ATXN7L1: variants seen among roughly 807,000 people sequenced by gnomAD.
ATXN7L1 encodes ataxin 7 like 1, also known as ataxin-7-like protein 1.
In ATXN7L1, 15 loss-of-function variants were observed where a neutral mutation model predicts 70.8. The observed-to-expected ratio is 0.21, with a 90% CI of 0.14 to 0.33. ATXN7L1 has a LOEUF of 0.33. ATXN7L1 is among the 10% of genes least tolerant of loss of function. ATXN7L1 has a pLI of 1.00. For synonymous variants in ATXN7L1, 440 were observed against 445.1 expected (o/e 0.99, Z 0.14); for missense variants, 975 against 1,097.1 (o/e 0.89, Z 1.57).
At chr7:105,626,427 A>G (rs529154609) in intron 7 of ATXN7L1, among the ~76,000 whole-genome samples, 1 of 152,362 alleles carries the variant, frequency 6.6e-6, no homozygotes, top group South Asian at 2.1e-4. Flanking sequence ...TGACTACACA[A>G]CATTGTGAAT....
At chr7:105,635,100 AT>A (rs1422586380) in intron 7 of ATXN7L1, among the ~76,000 whole-genome samples, 1 of 152,196 alleles carries the variant, frequency 6.6e-6, no homozygotes, top group Non-Finnish European at 1.5e-5. Context: ...TTGCCCTTTT[AT>A]ACTTTAGACT....
chr7:105,701,137 T>C (rs1196595244), intron 3 of ATXN7L1, among the ~76,000 whole-genome samples: 6 of 151,380 alleles, frequency 4.0e-5, no homozygotes, highest in African/African-American at 1.2e-4. Context: ...TTCTAAAAAT[T>C]ACAGCAAAAG....
At chr7:105,819,442 A>AT in intron 2 of ATXN7L1, 2 of 622,730 alleles carry the variant, frequency 3.2e-6, no homozygotes, top group Admixed American at 2.6e-5. Flanking sequence ...TGTATTTGGG[A>AT]TTTAAAAAAA....
At position 105,643,043 on chromosome 7, in the gene ATXN7L1, G is replaced by A. The variant is rs1465616958; in HGVS notation, c.657C>T (p.Ser219=). Residue 219 remains serine (S), a synonymous_variant, in exon 5 of 12, where the codon TCC becomes TCT. Coordinates refer to ENST00000419735, the MANE Select transcript of ATXN7L1 (RefSeq NM_020725.2). ...AGGCAGAAACTGCAGTAGTGGTTGT[G>A]GAGTTCATTTTGACATTGGCACCAT... ...KADGANVKMN[S]TTTTAVSASS... 5 of 1,550,880 alleles carry A rather than the reference G, an allele frequency of 3.2e-6. No individual in the cohort carries two copies. In the African/African-American group the frequency reaches 6.8e-5, roughly 21 times the overall value.
intron 3 of ATXN7L1, among the ~76,000 whole-genome samples, chr7:105,755,212 TA>T (rs1237446892): frequency 1.4e-5 from 2 of 139,290 alleles, no homozygotes; most frequent in African/African-American, 5.9e-5. Flanking sequence ...GCACTGAATT[TA>T]ACAGGGAAAA....
chr7:105,656,666 A>T (rs1325359099), intron 4 of ATXN7L1, among the ~76,000 whole-genome samples: 1 of 148,782 alleles, frequency 6.7e-6, no homozygotes, highest in Non-Finnish European at 1.5e-5. Flanking sequence ...TGCCTCCCAG[A>T]TTCAAGCGAT....
intron 4 of ATXN7L1, among the ~76,000 whole-genome samples, chr7:105,664,631 C>T (rs1802325147): frequency 6.8e-6 from 1 of 147,340 alleles, no homozygotes; most frequent in South Asian, 2.2e-4. Context: ...AGTGCAGTGG[C>T]GTGATCTCGG....
In ATXN7L1 at chr7:105,858,663, T is replaced by C. The variant is rs73717288; in HGVS notation, c.250+17149A>G. On this transcript the variant is annotated intron_variant, in intron 2 of 11. Coordinates refer to ENST00000419735, the MANE Select transcript of ATXN7L1 (RefSeq NM_020725.2). ...TCTAATAATAGGGCACCCTGATATC[T>C]TGTAACCCCTGGATGGGATGCTTAA... 1.7e-3 allele frequency among the ~76,000 whole-genome samples: 266 copies of C among 152,290 alleles called. 2 individuals carry two copies. The highest frequency in any genetic ancestry group is 6.0e-3 in the African/African-American group (250 of 41,558).
chr7:105,647,647 AAAAC>A (rs752546040), intron 4 of ATXN7L1, among the ~76,000 whole-genome samples: 2 of 152,256 alleles, frequency 1.3e-5, no homozygotes, highest in African/African-American at 2.4e-5. Flanking sequence ...CTCCGTCTCA[AAAAC>A]AAACAAACAG....
intron 3 of ATXN7L1, among the ~76,000 whole-genome samples, chr7:105,703,678 T>C (rs372260393): frequency 2.6e-5 from 4 of 152,312 alleles, no homozygotes; most frequent in African/African-American, 9.6e-5. Context: ...CAGCCAGGCC[T>C]GTCCCTTCAG....
intron 2 of ATXN7L1, among the ~76,000 whole-genome samples, chr7:105,845,898 C>T (rs1031754113): frequency 3.9e-5 from 6 of 152,122 alleles, no homozygotes; most frequent in Non-Finnish European, 4.4e-5. Flanking sequence ...AAACATACCT[C>T]GAAAGACACC....
At chr7:105,824,376 A>G (rs901549575) in intron 2 of ATXN7L1, among the ~76,000 whole-genome samples, 36 of 152,310 alleles carry the variant, frequency 2.4e-4, no homozygotes, top group Middle Eastern at 3.4e-3. Context: ...AGAGACTGAG[A>G]CACAATAACC....
chr7:105,637,912 T>G (rs1389107185), intron 7 of ATXN7L1, among the ~76,000 whole-genome samples: 2 of 151,986 alleles, frequency 1.3e-5, no homozygotes, highest in South Asian at 4.2e-4. Flanking sequence ...GTCTAAGAGG[T>G]GCTAACGACC....
intron 4 of ATXN7L1, among the ~76,000 whole-genome samples, chr7:105,645,010 T>C (rs1036191932): frequency 6.6e-6 from 1 of 152,152 alleles, no homozygotes; most frequent in African/African-American, 2.4e-5. Flanking sequence ...ACAAATACTG[T>C]ATAATTCCAC....
At chr7:105,722,598 A>AAAAAAAAAAAG (rs1795318530) in intron 3 of ATXN7L1, among the ~76,000 whole-genome samples, 1 of 117,426 alleles carries the variant, frequency 8.5e-6, no homozygotes, top group African/African-American at 3.0e-5. Flanking sequence ...AAAAAAAAAA[A>AAAAAAAAAAAG]GGTTGGGCTG....
intron 3 of ATXN7L1, among the ~76,000 whole-genome samples, chr7:105,759,155 T>A (rs1028166253): frequency 3.9e-5 from 4 of 103,762 alleles, no homozygotes; most frequent in African/African-American, 1.7e-4. Flanking sequence ...TTTTAGTTTA[T>A]TCTTACTTTT....
intron 7 of ATXN7L1, among the ~76,000 whole-genome samples, chr7:105,627,314 A>G (rs1464778277): frequency 6.6e-6 from 1 of 152,046 alleles, no homozygotes. Flanking sequence ...GGCTCACTGC[A>G]GCCACAAACT....
intron 3 of ATXN7L1, among the ~76,000 whole-genome samples, chr7:105,686,019 A>G (rs900547526): frequency 1.3e-5 from 2 of 152,180 alleles, no homozygotes; most frequent in Non-Finnish European, 2.9e-5. Flanking sequence ...TGCCTCTGAG[A>G]AGAGAGCAGC....
In ATXN7L1 at chr7:105,770,516, A is replaced by G. The variant is rs11976507; in HGVS notation, c.355+18088T>C. ...ACTTTTCCTCAGGGCATTGACTCAC[A>G]TGAGTCACATCTAAATGACACAGTG... On this transcript the variant is annotated intron_variant, in intron 3 of 11. Coordinates refer to ENST00000419735, the MANE Select transcript of ATXN7L1 (RefSeq NM_020725.2). 3.1e-3 allele frequency among the ~76,000 whole-genome samples: 476 copies of G among 152,288 alleles called. 3 individuals are homozygous for G. The highest frequency in any genetic ancestry group is 0.01 in the Middle Eastern group (3 of 294).
Sources: gnomAD v4.1 joint callset for allele counts (sites outside exome capture counted in the v4.1 genomes callset) on GRCh38, gnomAD v4.1.1 for gene constraint, MANE v1.5 for transcripts, NCBI Gene and HGNC (gene_info 2026-07-23, HGNC 2026-07-21) for gene names.